The following PCDHGA7 variants were observed in gnomAD, a reference collection of about 807,000 sequenced individuals.
PCDHGA7 encodes the protein protocadherin gamma subfamily A, 7.
Under a neutral mutation model 58.3 loss-of-function variants are expected in PCDHGA7, and 44 were observed. That is an observed-to-expected ratio of 0.75 (90% confidence interval 0.59 to 0.97). The LOEUF (loss-of-function observed/expected upper bound fraction) is 0.97. PCDHGA7 is among the 50% of genes least tolerant of loss of function. The probability of loss-of-function intolerance (pLI) is 0.00; values close to 1 mark genes in which losing one functional copy is unlikely to be tolerated. For missense variants in PCDHGA7, 1,266 were observed against 1,188.7 expected (o/e 1.06, Z -0.96); for synonymous variants, 516 against 504.2 (o/e 1.02, Z -0.31).
rs746834673 is a variant in PCDHGA7, at chr5:141,394,045, A to G, written c.2424+8722A>G. ...AGATTAGTGACAAGGAAATATTTGG[A>G]CCGAGAAAATGTCTCTATCTACAAT... On this transcript the variant is annotated intron_variant, in intron 1 of 3. Transcript: ENST00000518325. 6 of 1,613,706 alleles carry G rather than the reference A, an allele frequency of 3.7e-6. No individual in the cohort carries two copies. The highest frequency in any genetic ancestry group is 1.6e-4 in the Middle Eastern group (1 of 6,062).
intron 1 of PCDHGA7, among the ~76,000 whole-genome samples, chr5:141,479,977 A>G (rs145953890): frequency 0.015 from 2,300 of 152,320 alleles, 30 homozygotes; most frequent in Non-Finnish European, 0.024. Context: ...AGGTTCTACC[A>G]TTTACCAACT....
intron 1 of PCDHGA7, among the ~76,000 whole-genome samples, chr5:141,479,965 T>C (rs2099510479): frequency 6.6e-6 from 1 of 152,234 alleles, no homozygotes; most frequent in East Asian, 1.9e-4. Context: ...GTTAGTCAAA[T>C]GAGGTTCTAC....
In PCDHGA7 at chr5:141,382,939, T is replaced by C. The variant is rs765145573; in HGVS notation, c.40T>C (p.Phe14Leu). 1.9e-6 allele frequency: 3 copies of C among 1,594,910 alleles called. No homozygotes were observed. Among genetic ancestry groups the C allele is most frequent in the South Asian group, 2.2e-5 (2 of 89,406 alleles). Residue 14 changes from phenylalanine (F) to leucine (L), a missense_variant, in exon 1 of 4, where the codon TTC (phenylalanine) becomes CTC (leucine). By Grantham distance (22) the Phe-to-Leu change is conservative. Coordinates refer to ENST00000518325, the MANE Select transcript of PCDHGA7 (RefSeq NM_018920.4). ...GAGGGGCGGGGACTACAGAGGATTC[T>C]TCCTGCTCTCCATCCTCCTGGGGAC... ...QPRGGDYRGF[F>L]LLSILLGTPW...
intron 1 of PCDHGA7, chr5:141,390,221 C>T (rs764241687): frequency 5.8e-5 from 94 of 1,614,004 alleles, no homozygotes; most frequent in African/African-American, 2.0e-4. Context: ...ACATACTTTG[C>T]GGTGATTCAT....
rs577323909 is a variant in PCDHGA7 at position 141,419,160 on chromosome 5, C to G, written c.2424+33837C>G. 13 of 1,613,956 alleles carry G rather than the reference C, an allele frequency of 8.1e-6. 1 individual carries two copies. In the South Asian group the frequency reaches 1.4e-4, roughly 18 times the overall value. On this transcript the variant is annotated intron_variant, in intron 1 of 3. Coordinates refer to ENST00000518325, the MANE Select transcript of PCDHGA7 (RefSeq NM_018920.4). ...GACAGGGGCAAGCCTCCGTTATCCT[C>G]CAGCAAAACCATAACCCTGCACATT...
intron 1 of PCDHGA7, chr5:141,399,237 A>G: frequency 6.2e-7 from 1 of 1,614,002 alleles, no homozygotes; most frequent in South Asian, 1.1e-5. Context: ...TACATGACCA[A>G]GATTCTGGGG....
At chr5:141,415,683 G>C in intron 1 of PCDHGA7, 1 of 1,517,194 alleles carries the variant, frequency 6.6e-7, no homozygotes, top group African/African-American at 1.4e-5. Flanking sequence ...TTTGCGGCAT[G>C]ATGGTGGAAA....
chr5:141,450,931 T>G (rs571428678), intron 1 of PCDHGA7, among the ~76,000 whole-genome samples: 2 of 151,650 alleles, frequency 1.3e-5, no homozygotes, highest in African/African-American at 4.8e-5. Flanking sequence ...TTCAAGCAAT[T>G]CTCCTACCTC....
At chr5:141,392,809 C>T in intron 1 of PCDHGA7, 1 of 1,578,772 alleles carries the variant, frequency 6.3e-7, no homozygotes, top group African/African-American at 1.4e-5. Flanking sequence ...TGCAGCAAAA[C>T]AACAATGGCC....
chr5:141,427,129 T>A lies in PCDHGA7; in HGVS notation c.2424+41806T>A, dbSNP rs752552669. ...GAGATCACCTACTCTTTCAAATCCC[T>A]ACGAGATGATATTGGAAATATGTTT... On this transcript the variant is annotated intron_variant, in intron 1 of 3. Coordinates refer to ENST00000518325, the MANE Select transcript of PCDHGA7 (RefSeq NM_018920.4). 125 of 457,106 alleles carry A rather than the reference T, an allele frequency of 2.7e-4. 2 individuals are homozygous for A. Among genetic ancestry groups the A allele is most frequent in the Non-Finnish European group, 4.0e-5 (9 of 227,024 alleles). The allele number at this position is 457,106 out of a possible 1,614,324, so 28.3% of individuals were successfully genotyped here.
In PCDHGA7 at chr5:141,487,822, G is replaced by T. The variant is rs1406642768; in HGVS notation, c.2425-6985G>T. ...TGTCACAGTTTAGCATTGGGGGCGG[G>T]TCATGCCTATATCTGAGTAAGAAAT... On this transcript the variant is annotated intron_variant, in intron 1 of 3. Coordinates refer to ENST00000518325, the MANE Select transcript of PCDHGA7 (RefSeq NM_018920.4). This position sits in a 1 kb window ranked among gnomAD's most constrained non-coding sequence, Gnocchi z 5.0. The T allele has an allele frequency of 3.1e-6, 4 of 1,278,640 alleles. No homozygotes were observed. The East Asian group carries it at 7.6e-5, about 24-fold the overall frequency. 79.2% of individuals were successfully genotyped at this position (1,278,640 alleles called of 1,614,324 possible). A position where few individuals can be genotyped will look rare whatever the true frequency, so the allele number is the denominator to read the frequency against.
chr5:141,502,487 C>A (rs563658817), intron 2 of PCDHGA7, among the ~76,000 whole-genome samples: 1 of 152,182 alleles, frequency 6.6e-6, no homozygotes, highest in Non-Finnish European at 1.5e-5. Context: ...CACACTGGGA[C>A]TCATCTAACG....
rs772000812 is a variant in PCDHGA7, at chr5:141,478,304, C to T, written c.2425-16503C>T. The T allele has an allele frequency of 8.1e-6, 13 of 1,614,108 alleles. No individual in the cohort carries two copies. In the Middle Eastern group the frequency reaches 1.2e-3, roughly 143 times the overall value. On this transcript the variant is annotated intron_variant, in intron 1 of 3. Coordinates refer to ENST00000518325, the MANE Select transcript of PCDHGA7 (RefSeq NM_018920.4). The stretch of plus-strand genomic sequence containing the variant: ...GCAGTCTAGAGACCTATACCGAGCC[C>T]CGGTGAGCTCACTGTACCGAACACC...
intron 3 of PCDHGA7, among the ~76,000 whole-genome samples, chr5:141,506,320 G>A (rs1054880362): frequency 8.6e-5 from 13 of 151,966 alleles, no homozygotes; most frequent in South Asian, 8.3e-4. Flanking sequence ...ATGGTGGTGC[G>A]TGCCTGTAGT....
At chr5:141,456,309 A>T (rs1305324857) in intron 1 of PCDHGA7, among the ~76,000 whole-genome samples, 1 of 152,138 alleles carries the variant, frequency 6.6e-6, no homozygotes, top group Non-Finnish European at 1.5e-5. Flanking sequence ...AACAGCAGCT[A>T]GGGCTCCTCC....
chr5:141,495,603 C>T (rs2099762369), intron 2 of PCDHGA7, among the ~76,000 whole-genome samples: 1 of 152,238 alleles, frequency 6.6e-6, no homozygotes, highest in Non-Finnish European at 1.5e-5. Flanking sequence ...TAGCTTCCGT[C>T]TTGATTGCTG....
At chr5:141,414,358 C>T (rs1414747968) in intron 1 of PCDHGA7, 1 of 1,613,818 alleles carries the variant, frequency 6.2e-7, no homozygotes, top group Non-Finnish European at 8.5e-7. Context: ...GGCGTATCTA[C>T]CATTTAAATT....
At chr5:141,430,751 A>G in intron 1 of PCDHGA7, 1 of 1,496,066 alleles carries the variant, frequency 6.7e-7, no homozygotes, top group Non-Finnish European at 8.9e-7. Context: ...ATTCTGGAGG[A>G]AGATAAGAAT....
At chr5:141,508,681 C>T (rs970069) in intron 3 of PCDHGA7, among the ~76,000 whole-genome samples, 26,289 of 151,984 alleles carry the variant, frequency 0.17, 2,539 homozygotes, top group Admixed American at 0.29. Flanking sequence ...CTCCCTTCTC[C>T]CTGCTTCTCC....
Sources: gnomAD v4.1 joint callset for allele counts (sites outside exome capture counted in the v4.1 genomes callset) on GRCh38, gnomAD v4.1.1 for gene constraint, Gnocchi (gnomAD v3.1) non-coding constraint, MANE v1.5 for transcripts, NCBI Gene and HGNC (gene_info 2026-07-23, HGNC 2026-07-21) for gene names.